Variants in PRR5 observed in about 807,000 individuals in gnomAD.
PRR5 encodes the protein proline rich 5.
In PRR5, 25 loss-of-function variants were observed where a neutral mutation model predicts 30.6. The ratio of observed to expected loss-of-function variants is 0.82; its 90% CI spans 0.60 to 1.14. PRR5 has a LOEUF of 1.14. Among genes scored for constraint, PRR5 ranks in the 50% most tolerant of loss-of-function variants. The probability of loss-of-function intolerance (pLI) is 0.00; values close to 1 mark genes in which losing one functional copy is unlikely to be tolerated. For synonymous variants in PRR5, 286 were observed against 247.1 expected (o/e 1.16, Z -1.48); for missense variants, 600 against 547.1 (o/e 1.10, Z -0.96).
intron 2 of PRR5, 78 bp downstream of exon 2, chr22:44,714,749 G>A: frequency 6.4e-7 from 1 of 1,561,482 alleles, no homozygotes; most frequent in African/African-American, 1.4e-5. Context: ...GCCCCAGCCA[G>A]GCCCCTGACC....
Position 44,730,766 on chromosome 22 carries a change from G to A in PRR5, c.323-964G>A, listed in dbSNP as rs560703901. 1.1e-4 allele frequency: 81 copies of A among 759,282 alleles called. No individual in the cohort carries two copies. The African/African-American group carries it at 1.3e-3, about 12-fold the overall frequency. 47.0% of individuals were successfully genotyped at this position (759,282 alleles called of 1,614,324 possible). Reference sequence around the variant, plus strand: ...GGTGCTGCTATTGGAAGGGGTCTCCGTGGATCCCCAGACCTGACCACAGGC... The same window carrying A: ...GGTGCTGCTATTGGAAGGGGTCTCCATGGATCCCCAGACCTGACCACAGGC... On this transcript the variant is annotated intron_variant, in intron 4 of 7. Transcript: ENST00000336985.
chr22:44,730,870 TG>T, intron 4 of PRR5: 1 of 447,736 alleles, frequency 2.2e-6, no homozygotes, highest in Non-Finnish European at 4.5e-6. Context: ...TCTGTCTGCT[TG>T]GTGGGGGGTC....
At chr22:44,684,330 G>T (rs1181907246) in intron 1 of PRR5, among the ~76,000 whole-genome samples, 1 of 152,186 alleles carries the variant, frequency 6.6e-6, no homozygotes, top group African/African-American at 2.4e-5. Context: ...ATCACCTGAG[G>T]TCAGGAGTTC....
chr22:44,711,238 T>C (rs1361026050), intron 1 of PRR5, among the ~76,000 whole-genome samples: 2 of 152,118 alleles, frequency 1.3e-5, no homozygotes, highest in Non-Finnish European at 2.9e-5. Context: ...GGTCTAACCG[T>C]AAGCCAAGTA....
intron 4 of PRR5, chr22:44,731,485 C>A: frequency 1.8e-6 from 1 of 566,360 alleles, no homozygotes; most frequent in Non-Finnish European, 3.2e-6. Flanking sequence ...TCATTTCATG[C>A]CCTCAGCTCT....
chr22:44,734,777 C>T, intron 6 of PRR5: 1 of 573,024 alleles, frequency 1.7e-6, no homozygotes, highest in Non-Finnish European at 3.1e-6. Context: ...GGCCACAGGG[C>T]CTTTTTCCAG....
intron 1 of PRR5, among the ~76,000 whole-genome samples, chr22:44,713,872 C>T (rs1167028548): frequency 6.6e-6 from 1 of 152,222 alleles, no homozygotes; most frequent in Admixed American, 6.5e-5. Flanking sequence ...GGCGCGATCT[C>T]GGCTCATCGC....
chr22:44,729,566 A>G (rs953686594), intron 4 of PRR5: 8 of 985,178 alleles, frequency 8.1e-6, no homozygotes, highest in South Asian at 4.7e-5. Flanking sequence ...GGGGACGTGT[A>G]TCACGCCCCT....
At position 44,737,490 on chromosome 22, in the gene PRR5, G is replaced by T; in HGVS notation, c.*243G>T. The stretch of plus-strand genomic sequence containing the variant: ...TTACCCAGGGGCCGGGCCAGAGACG[G>T]GGGTCGGCCGCTCGCTCCCACGCTC... On this transcript the variant is annotated 3_prime_UTR_variant, in exon 8 of 8. Transcript: ENST00000336985. The T allele has an allele frequency of 1.4e-6, 1 of 728,112 alleles. No individual in the cohort carries two copies. Among genetic ancestry groups the T allele is most frequent in the Admixed American group, 3.3e-5 (1 of 30,076 alleles). 45.1% of individuals were successfully genotyped at this position (728,112 alleles called of 1,614,324 possible).
chr22:44,730,447 G>A (rs1921738463), intron 4 of PRR5: 2 of 985,298 alleles, frequency 2.0e-6, no homozygotes, highest in Non-Finnish European at 2.4e-6. Context: ...GAAAGGCCAA[G>A]GGTTCTTCAC....
At chr22:44,675,384 C>CT (rs1923680216), upstream of PRR5, among the ~76,000 whole-genome samples, 1 of 152,222 alleles carries the variant, frequency 6.6e-6, no homozygotes, top group Non-Finnish European at 1.5e-5. Context: ...TGAGCCACCA[C>CT]GTCTGGCCTG....
intron 1 of PRR5, among the ~76,000 whole-genome samples, chr22:44,686,707 G>A (rs147209303): frequency 2.0e-5 from 3 of 152,256 alleles, no homozygotes; most frequent in African/African-American, 7.2e-5. Context: ...GTAGAGATGG[G>A]GTTTCACAAT....
chr22:44,717,005 G>A (rs1425562333), intron 2 of PRR5, among the ~76,000 whole-genome samples: 1 of 151,988 alleles, frequency 6.6e-6, no homozygotes, highest in African/African-American at 2.4e-5. Flanking sequence ...AGGTTGCAGT[G>A]TGTCAAGACT....
At chr22:44,680,503 G>A (rs949367628) in intron 1 of PRR5, among the ~76,000 whole-genome samples, 4 of 152,316 alleles carry the variant, frequency 2.6e-5, no homozygotes, top group African/African-American at 4.8e-5. Context: ...ACAGCCCAGC[G>A]AGGAGGTGGG....
intron 1 of PRR5, among the ~76,000 whole-genome samples, chr22:44,705,364 T>C (rs117981685): frequency 5.3e-5 from 8 of 152,214 alleles, no homozygotes; most frequent in African/African-American, 1.9e-4. Flanking sequence ...TTCACTCTTG[T>C]CCAGGCTGGA....
rs182124107 is a variant in PRR5, at chr22:44,724,080, T to G, written c.216-1164T>G. Reference sequence around the variant, plus strand: ...AGAGCTTGTACTTAACCAGGATAACTGAAACTTGTATGTATCAGAACCATG... The same window carrying G: ...AGAGCTTGTACTTAACCAGGATAACGGAAACTTGTATGTATCAGAACCATG... On this transcript the variant is annotated intron_variant, in intron 2 of 7. Transcript: ENST00000336985. Among the ~76,000 whole-genome samples, 41 of 152,334 alleles carry G rather than the reference T, an allele frequency of 2.7e-4. No individual in the cohort carries two copies. In the East Asian group the frequency reaches 7.3e-3, roughly 27 times the overall value.
intron 1 of PRR5, 83 bp downstream of exon 1, chr22:44,702,691 C>A: frequency 8.1e-7 from 1 of 1,229,036 alleles, no homozygotes; most frequent in South Asian, 3.6e-5. Flanking sequence ...TAGGGGCCGC[C>A]CCGAGCCAGG....
rs1222985532 is a variant in PRR5 at position 44,714,503 on chromosome 22, G to A, written c.135-88G>A. ...AGGGATGGCTATCCTGCCCTTCTAG[G>A]AGAGAGGGAAAGAGGAATGGGGCCT... On this transcript the variant is annotated intron_variant, in intron 1 of 7. Coordinates refer to ENST00000336985, the MANE Select transcript of PRR5 (RefSeq NM_181333.4). The A allele has an allele frequency of 3.2e-5, 50 of 1,541,488 alleles. No individual in the cohort carries two copies. In the East Asian group the frequency reaches 1.1e-3, roughly 35 times the overall value.
chr22:44,729,974 C>T (rs1323406059), intron 4 of PRR5: 4 of 985,292 alleles, frequency 4.1e-6, no homozygotes, highest in East Asian at 1.1e-4. Context: ...TCCATCCGTC[C>T]GGGGCATTCC....
Sources: allele counts gnomAD v4.1 joint callset (sites outside exome capture counted in the v4.1 genomes callset), GRCh38; gene constraint gnomAD v4.1.1; transcripts MANE v1.5; gene names NCBI Gene and HGNC (gene_info 2026-07-23, HGNC 2026-07-21).